Variants in MAP4K4 observed in about 807,000 individuals in gnomAD.
MAP4K4 encodes the protein HPK/GCK-like kinase HGK.
A neutral mutation model predicts 189.6 loss-of-function variants in MAP4K4; 38 were observed. The ratio of observed to expected loss-of-function variants is 0.20; its 90% CI spans 0.15 to 0.26. MAP4K4 has a LOEUF of 0.26. Ranked by LOEUF, MAP4K4 falls within the 10% of genes least tolerant of loss-of-function variation. The pLI is 1.00. For missense variants in MAP4K4, 1,054 were observed against 1,726.9 expected, an observed-to-expected ratio of 0.61 and a Z score of 6.91; for synonymous variants, 610 against 624.3, an observed-to-expected ratio of 0.98 and a Z score of 0.34.
At chr2:101,797,250 C>G in intron 3 of MAP4K4, 1 of 1,290,650 alleles carries the variant, frequency 7.7e-7, no homozygotes, top group Non-Finnish European at 1.0e-6. Context: ...TGTTATTCCT[C>G]AGAGGCCAGC....
chr2:101,739,222 G>A (rs1275957817), intron 2 of MAP4K4, among the ~76,000 whole-genome samples: 1 of 152,150 alleles, frequency 6.6e-6, no homozygotes, highest in Non-Finnish European at 1.5e-5. Context: ...CACATCTGAT[G>A]TTCAGAAAAC....
At chr2:101,794,983 T>C (rs1408958595) in intron 3 of MAP4K4, among the ~76,000 whole-genome samples, 1 of 152,190 alleles carries the variant, frequency 6.6e-6, no homozygotes, top group Non-Finnish European at 1.5e-5. Context: ...TTTGATTAGA[T>C]GCAGATTAAA....
intron 12 of MAP4K4, 101 bp from the exon 13 acceptor site, chr2:101,855,876 C>T (rs2097437007): frequency 8.5e-7 from 1 of 1,182,426 alleles, no homozygotes; most frequent in East Asian, 2.6e-5. Context: ...ATGAACCTCA[C>T]CTCATTAGTG....
chr2:101,814,533 G>T (rs947927344), intron 3 of MAP4K4, among the ~76,000 whole-genome samples: 4 of 152,178 alleles, frequency 2.6e-5, no homozygotes, highest in African/African-American at 9.7e-5. Context: ...ATTTGCAAAT[G>T]ATCCACAATG....
intron 2 of MAP4K4, among the ~76,000 whole-genome samples, chr2:101,745,089 A>C (rs1435849998): frequency 2.0e-5 from 3 of 152,186 alleles, no homozygotes; most frequent in Non-Finnish European, 4.4e-5. Context: ...TCAAAAGCTG[A>C]ATATAGATAG....
At chr2:101,789,629 T>G (rs1313862136) in intron 2 of MAP4K4, among the ~76,000 whole-genome samples, 1 of 152,210 alleles carries the variant, frequency 6.6e-6, no homozygotes. Context: ...TTCACAACTC[T>G]TTAAGTCATG....
At chr2:101,759,436 CCTT>C (rs1489863958) in intron 2 of MAP4K4, among the ~76,000 whole-genome samples, 1 of 149,962 alleles carries the variant, frequency 6.7e-6, no homozygotes, top group Admixed American at 6.7e-5. Flanking sequence ...TTTTTCTTTC[CCTT>C]TTCTTTTCCC....
intron 2 of MAP4K4, among the ~76,000 whole-genome samples, chr2:101,700,415 C>T (rs1474416983): frequency 1.3e-5 from 2 of 152,158 alleles, no homozygotes; most frequent in Non-Finnish European, 2.9e-5. Flanking sequence ...ACTACAAAGT[C>T]GGTACAGTTG....
At chr2:101,848,380 G>A (rs762781153) in intron 12 of MAP4K4, among the ~76,000 whole-genome samples, 1 of 152,198 alleles carries the variant, frequency 6.6e-6, no homozygotes, top group Non-Finnish European at 1.5e-5. Context: ...GACTATTTGA[G>A]CCATAATTGG....
chr2:101,759,741 C>T (rs2075314362), intron 2 of MAP4K4, among the ~76,000 whole-genome samples: 1 of 56,360 alleles, frequency 1.8e-5, no homozygotes, highest in Non-Finnish European at 3.4e-5. Context: ...CTTCCCCCCT[C>T]CCCCTTTTCT....
intron 3 of MAP4K4, among the ~76,000 whole-genome samples, chr2:101,798,425 A>G (rs772215903): frequency 6.6e-6 from 1 of 152,192 alleles, no homozygotes; most frequent in Non-Finnish European, 1.5e-5. Flanking sequence ...CCCATTTAAT[A>G]AGTCAGTAAG....
intron 2 of MAP4K4, among the ~76,000 whole-genome samples, chr2:101,721,511 C>G (rs1181886078): frequency 6.6e-6 from 1 of 151,106 alleles, no homozygotes; most frequent in Admixed American, 6.6e-5. Context: ...TCTCGGCTCA[C>G]TGCAGCCTCC....
intron 2 of MAP4K4, among the ~76,000 whole-genome samples, chr2:101,774,446 A>G (rs74488659): frequency 0.016 from 2,442 of 152,264 alleles, 75 homozygotes; most frequent in African/African-American, 0.055. Flanking sequence ...AGCTCTGTAC[A>G]TATTTTGGTT....
At chr2:101,890,453 TTTTG>T (rs766595237) in intron 32 of MAP4K4, among the ~76,000 whole-genome samples, 8 of 152,196 alleles carry the variant, frequency 5.3e-5, no homozygotes, top group Admixed American at 2.0e-4. Context: ...TGTGGGTTGT[TTTTG>T]TTTGTTTGTT....
chr2:101,879,175 A>G lies in MAP4K4; in HGVS notation c.3385+2029A>G, dbSNP rs2098300745. 3.7e-5 allele frequency among the ~76,000 whole-genome samples: 5 copies of G among 135,706 alleles called. No individual in the cohort carries two copies. In the South Asian group the frequency reaches 1.3e-3, roughly 35 times the overall value. 89.0% of individuals were successfully genotyped at this position (135,706 alleles called of 152,430 possible). On this transcript the variant is annotated intron_variant, in intron 27 of 32. Coordinates refer to ENST00000324219, the Ensembl canonical transcript of MAP4K4. ...GCACCACTGCACTCCAGCCTGGGTG[A>G]CAGAGTGAGAGCCTGTCTCCAAAAA...
chr2:101,842,733 T>A, intron 11 of MAP4K4, 52 bp downstream of exon 11: 7 of 1,456,374 alleles, frequency 4.8e-6, no homozygotes, highest in Non-Finnish European at 5.7e-6. Context: ...GATTAAGTTT[T>A]ATGTTGTGCC....
chr2:101,890,525 C>T (rs971379587), intron 32 of MAP4K4, among the ~76,000 whole-genome samples: 4 of 151,830 alleles, frequency 2.6e-5, no homozygotes, highest in South Asian at 2.1e-4. Flanking sequence ...GGCGTGATCT[C>T]GGCTCACTGC....
At chr2:101,699,433 C>A (rs1467423104) in intron 2 of MAP4K4, among the ~76,000 whole-genome samples, 1 of 152,030 alleles carries the variant, frequency 6.6e-6, no homozygotes, top group East Asian at 1.9e-4. Context: ...AAATTCAGAA[C>A]GGAATGTTAA....
intron 3 of MAP4K4, among the ~76,000 whole-genome samples, chr2:101,815,764 G>C (rs2095673013): frequency 6.6e-6 from 1 of 152,198 alleles, no homozygotes; most frequent in African/African-American, 2.4e-5. Flanking sequence ...ATCGAGGCCA[G>C]AGTCTTCTGA....
Sources: gnomAD v4.1 joint callset for allele counts (sites outside exome capture counted in the v4.1 genomes callset) on GRCh38, gnomAD v4.1.1 for gene constraint, MANE v1.5 for transcripts, NCBI Gene and HGNC (gene_info 2026-07-23, HGNC 2026-07-21) for gene names.